Variants in TTLL7 observed in about 807,000 individuals in gnomAD.
The protein encoded by TTLL7 is tubulin tyrosine ligase like 7.
Under a neutral mutation model 120.2 loss-of-function variants are expected in TTLL7, and 53 were observed. The observed-to-expected ratio is 0.44, with a 90% CI of 0.35 to 0.55. TTLL7 has a LOEUF of 0.55. TTLL7 is among the 20% of genes least tolerant of loss of function. The pLI, the probability that TTLL7 is intolerant of heterozygous loss-of-function variation, is 0.00. For missense variants in TTLL7, 803 were observed against 1,054.7 expected (o/e 0.76, Z 3.31); for synonymous variants, 353 against 351.7 (o/e 1.00, Z -0.04).
chr1:83,902,713 C>T (rs1356862463), intron 18 of TTLL7, among the ~76,000 whole-genome samples: 1 of 151,864 alleles, frequency 6.6e-6, no homozygotes, highest in East Asian at 1.9e-4. Flanking sequence ...ATCTAGTTGA[C>T]ACCTTAAATA....
intron 17 of TTLL7, among the ~76,000 whole-genome samples, chr1:83,905,531 AC>A (rs1657122590): frequency 1.3e-5 from 2 of 149,274 alleles, no homozygotes; most frequent in South Asian, 2.1e-4. Flanking sequence ...GGAAAAAAAA[AC>A]ATATATTTTA....
chr1:83,990,167 C>CA (rs1479571457), intron 1 of TTLL7, among the ~76,000 whole-genome samples: 13 of 116,936 alleles, frequency 1.1e-4, no homozygotes, highest in Non-Finnish European at 1.9e-4. Flanking sequence ...ATTTGGATGC[C>CA]TTTTTTTTTT....
intron 1 of TTLL7, among the ~76,000 whole-genome samples, chr1:83,995,917 A>C (rs994025144): frequency 2.0e-5 from 3 of 152,234 alleles, no homozygotes; most frequent in African/African-American, 7.2e-5. Flanking sequence ...ATGGAAAATT[A>C]TGTAGTCATT....
chr1:83,926,865 ATTC>A (rs1220766658), intron 10 of TTLL7, among the ~76,000 whole-genome samples: 1 of 152,212 alleles, frequency 6.6e-6, no homozygotes, highest in East Asian at 1.9e-4. Flanking sequence ...GAGGAAAAAG[ATTC>A]TTCTTATTAA....
chr1:83,872,883 T>C (rs1481594157), intron 20 of TTLL7, among the ~76,000 whole-genome samples: 1 of 152,192 alleles, frequency 6.6e-6, no homozygotes, highest in African/African-American at 2.4e-5. Flanking sequence ...ATAAACTTCA[T>C]GAAGCATACA....
Position 83,977,492 on chromosome 1 carries a change from T to A in TTLL7, c.-177+21439A>T, listed in dbSNP as rs559838663. On this transcript the variant is annotated intron_variant, in intron 1 of 20. Coordinates refer to ENST00000260505, the MANE Select transcript of TTLL7 (RefSeq NM_024686.6). ...TTTCAAATTGTGGGCCTAAATCAAA[T>A]GACTTTATGATGTTTTACTTTATGC... 5.3e-5 allele frequency among the ~76,000 whole-genome samples: 8 copies of A among 152,200 alleles called. No individual in the cohort carries two copies. In the South Asian group the frequency reaches 1.5e-3, roughly 28 times the overall value.
intron 1 of TTLL7, among the ~76,000 whole-genome samples, chr1:83,962,059 A>G (rs1650063443): frequency 6.6e-6 from 1 of 152,104 alleles, no homozygotes; most frequent in Admixed American, 6.6e-5. Context: ...TTTAAAAGAG[A>G]GGGACTAGGG....
At chr1:83,955,373 G>C (rs532118587) in intron 1 of TTLL7, among the ~76,000 whole-genome samples, 20 of 152,168 alleles carry the variant, frequency 1.3e-4, no homozygotes, top group Non-Finnish European at 2.6e-4. Context: ...TTGAAACATA[G>C]TCCCCAATGA....
intron 1 of TTLL7, among the ~76,000 whole-genome samples, chr1:83,958,497 T>G (rs1033988192): frequency 2.5e-4 from 38 of 152,166 alleles, no homozygotes; most frequent in African/African-American, 8.7e-4. Context: ...CAGTCAGAAA[T>G]CTATTACTTC....
At position 83,957,058 on chromosome 1, in the gene TTLL7, C is replaced by A. The variant is rs1373491253; in HGVS notation, c.-176-4671G>T. 2.0e-5 allele frequency among the ~76,000 whole-genome samples: 3 copies of A among 152,084 alleles called. No homozygotes were observed. The East Asian group carries it at 5.8e-4, about 29-fold the overall frequency. On this transcript the variant is annotated intron_variant, in intron 1 of 20. Transcript: ENST00000260505. ...TGAAAGTATAATATGGTAGAAAGAG[C>A]ACTGAACAAGGAGTCAAATCAAATT... is the stretch of plus-strand genomic sequence containing the variant.
chr1:83,904,598 G>T (rs1304642038), intron 17 of TTLL7, among the ~76,000 whole-genome samples: 3 of 152,044 alleles, frequency 2.0e-5, no homozygotes. Context: ...TTATACCACT[G>T]CACTCCAGCC....
intron 20 of TTLL7, among the ~76,000 whole-genome samples, chr1:83,871,056 A>G (rs1387536070): frequency 2.7e-5 from 4 of 148,770 alleles, no homozygotes; most frequent in Non-Finnish European, 3.0e-5. Flanking sequence ...ATACATTTAT[A>G]TATACTATAT....
intron 1 of TTLL7, among the ~76,000 whole-genome samples, chr1:83,956,536 G>T (rs12126515): frequency 0.047 from 7,072 of 149,564 alleles, 224 homozygotes; most frequent in Middle Eastern, 0.11. Context: ...CAAGTGATTC[G>T]CCTGCCTCAG....
Position 83,867,872 on chromosome 1 carries a change from T to C in TTLL7, c.*2090A>G, listed in dbSNP as rs1474432751. 2 of 152,106 alleles carry C rather than the reference T, an allele frequency of 1.3e-5. No homozygotes were observed. The highest frequency in any genetic ancestry group is 1.3e-4 in the Admixed American group (2 of 15,266). 9.4% of individuals were successfully genotyped at this position (152,106 alleles called of 1,614,324 possible). A position where few individuals can be genotyped will look rare whatever the true frequency, so the allele number is the denominator to read the frequency against. ...ATTATTTTTTCTAAAAAAAAATCCA[T>C]AGCATATTTAAGAATTCACAAAATG... On this transcript the variant is annotated 3_prime_UTR_variant, in exon 21 of 21. Transcript: ENST00000260505.
At position 83,866,071 on chromosome 1, in the gene TTLL7, T is replaced by A. The variant is rs909011411; in HGVS notation, c.*3891A>T. 4.1e-4 allele frequency: 63 copies of A among 152,030 alleles called. No individual in the cohort carries two copies. The highest frequency in any genetic ancestry group is 1.4e-3 in the African/African-American group (60 of 41,576). 9.4% of individuals were successfully genotyped at this position (152,030 alleles called of 1,614,324 possible). On this transcript the variant is annotated 3_prime_UTR_variant, in exon 21 of 21. Transcript: ENST00000260505. ...ACAAGAACACAATTAATTGTACAGT[T>A]ATACATTTTATTTAACCCCTATGAC...
chr1:83,968,011 C>T (rs533553787), intron 1 of TTLL7, among the ~76,000 whole-genome samples: 26 of 152,052 alleles, frequency 1.7e-4, no homozygotes, highest in Non-Finnish European at 3.4e-4. Context: ...AACCTGCAGC[C>T]GTTCCCACAC....
chr1:83,933,787 A>G (rs756555303), intron 8 of TTLL7, 21 bp from the exon 9 acceptor site: 29 of 1,591,204 alleles, frequency 1.8e-5, no homozygotes, highest in Middle Eastern at 1.7e-4. Context: ...GTGATAAAAG[A>G]AGTGAAAATG....
Position 83,912,273 on chromosome 1 carries a change from A to G in TTLL7, c.1588-910T>C, listed in dbSNP as rs561168887. Among the ~76,000 whole-genome samples the G allele has an allele frequency of 2.2e-4, 34 of 152,304 alleles. No homozygotes were observed. In the South Asian group the frequency reaches 5.0e-3, roughly 22 times the overall value. On this transcript the variant is annotated intron_variant, in intron 14 of 20. Transcript: ENST00000260505. ...CATGCTGTTACGTGTTACCATCCCT[A>G]TTAGAATCACTTGTTTCTAGTCCTC...
intron 9 of TTLL7, among the ~76,000 whole-genome samples, chr1:83,932,297 G>C (rs1362282687): frequency 6.6e-6 from 1 of 152,088 alleles, no homozygotes; most frequent in Non-Finnish European, 1.5e-5. Flanking sequence ...AGACAATATA[G>C]CTAAGAACAG....
Sources: allele counts gnomAD v4.1 joint callset (sites outside exome capture counted in the v4.1 genomes callset), GRCh38; gene constraint gnomAD v4.1.1; transcripts MANE v1.5; gene names NCBI Gene and HGNC (gene_info 2026-07-23, HGNC 2026-07-21).